CFAP74: variants seen among roughly 807,000 people sequenced by gnomAD.
The protein encoded by CFAP74 is cilia and flagella associated protein 74.
Under a neutral mutation model 188.9 loss-of-function variants are expected in CFAP74, and 124 were observed. The observed-to-expected ratio is 0.66, with a 90% confidence interval of 0.57 to 0.76. The LOEUF is 0.76. Ranked by LOEUF, CFAP74 falls within the 30% of genes least tolerant of loss-of-function variation. The probability of loss-of-function intolerance (pLI) is 0.00; values close to 1 mark genes in which losing one functional copy is unlikely to be tolerated. For synonymous variants in CFAP74, 956 were observed against 916.7 expected (o/e 1.04, Z -0.77); for missense variants, 2,198 against 2,165.2 (o/e 1.02, Z -0.30).
chr1:1,938,193 TCA>T (rs1259553491), intron 25 of CFAP74, among the ~76,000 whole-genome samples: 6 of 141,520 alleles, frequency 4.2e-5, no homozygotes, highest in East Asian at 2.1e-4. Context: ...GCACTCACAT[TCA>T]GTCACATGCT....
At position 1,970,700 on chromosome 1, in the gene CFAP74, A is replaced by G; in HGVS notation, c.1005T>C (p.Leu335=). ...LAQGRDAFRH[L]VHQRRRQELE... Reference sequence around the variant, plus strand: ...GCTCCTGGCGCCGGCGCTGGTGGACAAGGTGCCTGAATGCATCCCTGCCCT... The same window carrying G: ...GCTCCTGGCGCCGGCGCTGGTGGACGAGGTGCCTGAATGCATCCCTGCCCT... Residue 335 remains leucine, a synonymous_variant, in exon 10 of 39, where the codon CTT becomes CTC. Transcript: ENST00000682832. 6.2e-7 allele frequency: 1 copy of G among 1,613,750 alleles called. No homozygotes were observed. Among genetic ancestry groups the G allele is most frequent in the African/African-American group, 1.3e-5 (1 of 75,056 alleles).
intron 1 of CFAP74, among the ~76,000 whole-genome samples, chr1:1,993,854 C>T (rs181952917): frequency 0.085 from 12,804 of 150,726 alleles, 655 homozygotes; most frequent in Non-Finnish European, 0.12. Flanking sequence ...TGGTGGCGGG[C>T]GCCTATAGTC....
rs1157252545 is a variant in CFAP74, at chr1:1,934,984, AGGT to A, written c.3011+3868_3011+3870del. Reference sequence around the variant, plus strand: ...AGGTACACGTGTGTACGTGGGTGTTAGGTTGTAGGTACACACGTGTGTATGTGT... The same window carrying A: ...AGGTACACGTGTGTACGTGGGTGTTATGTAGGTACACACGTGTGTATGTGT... On this transcript the variant is annotated intron_variant, in intron 25 of 38. Transcript: ENST00000682832. 1.3e-3 allele frequency among the ~76,000 whole-genome samples: 69 copies of A among 53,230 alleles called. 20 individuals carry two copies. The highest frequency in any genetic ancestry group is 4.7e-3 in the African/African-American group (65 of 13,704). 34.9% of individuals were successfully genotyped at this position (53,230 alleles called of 152,430 possible). A position where few individuals can be genotyped will look rare whatever the true frequency, so the allele number is the denominator to read the frequency against.
chr1:1,925,535 C>G (rs1437697400), intron 33 of CFAP74, among the ~76,000 whole-genome samples: 1 of 152,044 alleles, frequency 6.6e-6, no homozygotes, highest in Admixed American at 6.5e-5. Flanking sequence ...GGACAAAGAG[C>G]GCCAAGGAGG....
chr1:1,970,389 AG>A (rs1558040665), intron 10 of CFAP74, among the ~76,000 whole-genome samples: 1 of 148,664 alleles, frequency 6.7e-6, no homozygotes, highest in African/African-American at 2.6e-5. Context: ...GGCTCTCGAC[AG>A]GGGCCGGGGT....
intron 4 of CFAP74, chr1:1,988,205 T>A: frequency 1.7e-6 from 1 of 581,144 alleles, no homozygotes; most frequent in Non-Finnish European, 3.3e-6. Context: ...ATCCCATAGA[T>A]ATAAAATACA....
At chr1:1,958,237 G>A (rs1244224710) in intron 16 of CFAP74, among the ~76,000 whole-genome samples, 1 of 152,242 alleles carries the variant, frequency 6.6e-6, no homozygotes, top group African/African-American at 2.4e-5. Context: ...CTGGGGTGGG[G>A]GACATAGCGC....
At chr1:1,996,840 A>T (rs1263617183) in intron 1 of CFAP74, among the ~76,000 whole-genome samples, 2 of 150,404 alleles carry the variant, frequency 1.3e-5, no homozygotes, top group African/African-American at 4.9e-5. Context: ...AGAATCGCTT[A>T]AACTCAGGAG....
At chr1:1,965,643 C>T (rs1314115910) in intron 12 of CFAP74, among the ~76,000 whole-genome samples, 1 of 150,320 alleles carries the variant, frequency 6.7e-6, no homozygotes, top group African/African-American at 2.5e-5. Flanking sequence ...AGCCTCCTCC[C>T]TGGCTTCCCG....
In CFAP74 at chr1:1,963,642, G is replaced by T; in HGVS notation, c.1694+107C>A. ...ATCTTCGTGAAAATCGGACCTGAGG[G>T]CTTATGCCCATATAGAGCCTGTTCC... On this transcript the variant is annotated intron_variant, in intron 14 of 38. Transcript: ENST00000682832. The T allele has an allele frequency of 7.3e-6, 5 of 684,674 alleles. No individual in the cohort carries two copies. In the South Asian group the frequency reaches 9.4e-5, roughly 13 times the overall value. 42.4% of individuals were successfully genotyped at this position (684,674 alleles called of 1,614,324 possible).
intron 25 of CFAP74, among the ~76,000 whole-genome samples, chr1:1,932,085 AACAAAAAAC>A (rs761660777): frequency 2.2e-5 from 1 of 45,214 alleles, no homozygotes; most frequent in Non-Finnish European, 5.3e-5. Context: ...AAAAACAAAA[AACAAAAAAC>A]AAAAAACTTA....
intron 4 of CFAP74, chr1:1,988,226 A>C (rs1657360836): frequency 1.6e-6 from 1 of 622,282 alleles, no homozygotes; most frequent in African/African-American, 1.8e-5. Flanking sequence ...AACACACACA[A>C]ACACAGAAAG....
chr1:1,988,127 G>A, intron 4 of CFAP74: 1 of 477,566 alleles, frequency 2.1e-6, no homozygotes, highest in Non-Finnish European at 4.3e-6. Flanking sequence ...TTAGTTTTTA[G>A]GAGACGCTGA....
intron 15 of CFAP74, among the ~76,000 whole-genome samples, chr1:1,959,546 A>G (rs1654917762): frequency 6.6e-6 from 1 of 152,208 alleles, no homozygotes; most frequent in African/African-American, 2.4e-5. Flanking sequence ...GATTACAGGC[A>G]TAAGCCACCA....
intron 19 of CFAP74, 85 bp from the exon 20 acceptor site, chr1:1,946,524 C>T: frequency 6.9e-7 from 1 of 1,439,378 alleles, no homozygotes; most frequent in Non-Finnish European, 9.2e-7. Context: ...CATGTTGCTG[C>T]AAGGATGGAA....
chr1:1,988,472 A>G lies in CFAP74; in HGVS notation c.296+40T>C, dbSNP rs371292922. 244 of 1,603,964 alleles carry G rather than the reference A, an allele frequency of 1.5e-4. No individual in the cohort carries two copies. The African/African-American group carries it at 3.0e-3, about 20-fold the overall frequency. The stretch of plus-strand genomic sequence containing the variant: ...GCACCCATGTCACGGCCTGGGGGGC[A>G]TCAAGAGGTGCAGGTGCAGCGGCCT... On this transcript the variant is annotated intron_variant, in intron 4 of 38. Transcript: ENST00000682832.
At chr1:1,988,865 T>G in intron 3 of CFAP74, 24 bp downstream of exon 3, 1 of 397,070 alleles carries the variant, frequency 2.5e-6, no homozygotes, top group Non-Finnish European at 3.9e-6. Context: ...CACACCCACC[T>G]CCACCCCCGA....
intron 18 of CFAP74, among the ~76,000 whole-genome samples, chr1:1,951,854 T>A (rs1285890971): frequency 1.6e-5 from 2 of 127,956 alleles, no homozygotes; most frequent in Non-Finnish European, 3.8e-5. Context: ...GTGGATCACT[T>A]GAGGTCAGGA....
At position 1,927,588 on chromosome 1, in the gene CFAP74, C is replaced by A; in HGVS notation, c.3527+19G>T. 6.5e-7 allele frequency: 1 copy of A among 1,544,640 alleles called. No individual in the cohort carries two copies. The stretch of plus-strand genomic sequence containing the variant: ...GGGGCCTGGAGGGAAGCAGGTGGGG[C>A]AGCCCCTCCTGGACCCACCTGGGCC... On this transcript the variant is annotated intron_variant, in intron 28 of 38. Coordinates refer to ENST00000682832, the MANE Select transcript of CFAP74 (RefSeq NM_001304360.2).
Sources: gnomAD v4.1 joint callset for allele counts (sites outside exome capture counted in the v4.1 genomes callset) on GRCh38, gnomAD v4.1.1 for gene constraint, MANE v1.5 for transcripts, NCBI Gene and HGNC (gene_info 2026-07-23, HGNC 2026-07-21) for gene names.